The following ACSM3 variants were observed in gnomAD, a reference collection of about 807,000 sequenced individuals.
ACSM3 encodes acyl-CoA synthetase medium chain family member 3, also known as acyl-coenzyme A synthetase ACSM3, mitochondrial.
ACSM3 carries 61 observed loss-of-function variants against 74.1 expected under a neutral mutation model. The observed-to-expected ratio is 0.82, with a 90% confidence interval of 0.67 to 1.02. The LOEUF (loss-of-function observed/expected upper bound fraction) is 1.02. Among genes scored for constraint, ACSM3 ranks in the 50% least tolerant of loss-of-function variants. The pLI is 0.00. For missense variants in ACSM3, 660 were observed against 697.0 expected, an observed-to-expected ratio of 0.95 and a Z score of 0.60; for synonymous variants, 213 against 241.5, an observed-to-expected ratio of 0.88 and a Z score of 1.09.
intron 2 of ACSM3, among the ~76,000 whole-genome samples, chr16:20,754,267 G>C (rs755350440): frequency 1.4e-4 from 22 of 152,156 alleles, no homozygotes; most frequent in Non-Finnish European, 2.4e-4. Flanking sequence ...AAATGTAGTG[G>C]GGTTGTCAGA....
At chr16:20,745,551 C>A (rs998228074) in intron 1 of ACSM3, among the ~76,000 whole-genome samples, 1 of 151,676 alleles carries the variant, frequency 6.6e-6, no homozygotes, top group African/African-American at 2.4e-5. Context: ...CACTGCACTC[C>A]AGCCTGGGCA....
Position 20,700,112 on chromosome 16 carries a change from A to G in ACSM3, c.-190+25290A>G, listed in dbSNP as rs140366294. Among the ~76,000 whole-genome samples, 374 of 152,326 alleles carry G rather than the reference A, an allele frequency of 2.5e-3. 2 individuals are homozygous for G. The highest frequency in any genetic ancestry group is 4.4e-3 in the Non-Finnish European group (297 of 68,040). On this transcript the variant is annotated intron_variant, in intron 1 of 3. Transcript: ENST00000561584. ...GACATCGTAAAATGGCAAAGTCTCT[A>G]TCAGCCTTGTTCTCTGAGTGACTTC... is the stretch of plus-strand genomic sequence containing the variant.
chr16:20,704,730 A>T (rs1374649819), intron 1 of ACSM3, among the ~76,000 whole-genome samples: 1 of 152,242 alleles, frequency 6.6e-6, no homozygotes, highest in Non-Finnish European at 1.5e-5. Flanking sequence ...AGTATAGCCA[A>T]GTTATAAAAC....
rs188845703 is a variant in ACSM3, at chr16:20,700,583, T to C, written c.-190+25761T>C. Among the ~76,000 whole-genome samples the C allele has an allele frequency of 2.0e-5, 3 of 150,888 alleles. No individual in the cohort carries two copies. The Admixed American group carries it at 2.0e-4, about 10-fold the overall frequency. On this transcript the variant is annotated intron_variant, in intron 1 of 3. Transcript: ENST00000561584. ...GTGGGGGACTGGGATGGCAGATTACTGAGTGAGAAGTATGATAAAGTGTGA... is the reference window on the plus strand; with the variant it reads ...GTGGGGGACTGGGATGGCAGATTACCGAGTGAGAAGTATGATAAAGTGTGA...
chr16:20,777,631 A>G (rs773969718), intron 4 of ACSM3, 51 bp downstream of exon 4: 1 of 1,483,518 alleles, frequency 6.7e-7, no homozygotes, highest in South Asian at 1.2e-5. Context: ...AAAGGCAACA[A>G]TAAAAAGATA....
intron 1 of ACSM3, 64 bp from the exon 2 acceptor site, chr16:20,769,920 C>A: frequency 1.0e-6 from 1 of 960,346 alleles, no homozygotes; most frequent in Non-Finnish European, 1.6e-6. Flanking sequence ...AAAACTTAGC[C>A]ACTTTGGGGT....
chr16:20,737,625 T>C (rs563621373), intron 1 of ACSM3: 2 of 1,422,050 alleles, frequency 1.4e-6, no homozygotes, highest in African/African-American at 2.9e-5. Flanking sequence ...AATGTAAGCC[T>C]TAAATCTTTA....
chr16:20,743,373 G>C (rs1274233986), intron 1 of ACSM3, among the ~76,000 whole-genome samples: 1 of 152,130 alleles, frequency 6.6e-6, no homozygotes, highest in East Asian at 1.9e-4. Context: ...ATGTTGGCTG[G>C]TGTTGTTTCA....
At chr16:20,741,708 G>C in intron 1 of ACSM3, 1 of 1,577,994 alleles carries the variant, frequency 6.3e-7, no homozygotes, top group Non-Finnish European at 8.6e-7. Flanking sequence ...CCCGCCGCCA[G>C]GCTGAGTAGT....
chr16:20,681,263 T>C (rs1360721527), intron 1 of ACSM3: 1 of 152,242 alleles, frequency 6.6e-6, no homozygotes, highest in Non-Finnish European at 1.5e-5. Flanking sequence ...TTGAAATAGA[T>C]TGGCATTAGA....
At chr16:20,726,461 G>C (rs1776964577) in intron 1 of ACSM3, among the ~76,000 whole-genome samples, 1 of 152,226 alleles carries the variant, frequency 6.6e-6, no homozygotes, top group Non-Finnish European at 1.5e-5. Flanking sequence ...TCCCTAGTCA[G>C]TGTCAACGCC....
upstream of ACSM3, among the ~76,000 whole-genome samples, chr16:20,759,768 C>T (rs1312554292): frequency 6.6e-6 from 1 of 152,076 alleles, no homozygotes; most frequent in African/African-American, 2.4e-5. Context: ...AAGTGTTGCC[C>T]TTTGTTCTAT....
At chr16:20,718,839 A>G (rs1360614951) in intron 1 of ACSM3, among the ~76,000 whole-genome samples, 1 of 152,168 alleles carries the variant, frequency 6.6e-6, no homozygotes, top group Non-Finnish European at 1.5e-5. Flanking sequence ...TAGCATTTAC[A>G]CTATTTAAAA....
intron 8 of ACSM3, 106 bp downstream of exon 8, chr16:20,785,213 G>A (rs2080446616): frequency 6.8e-7 from 1 of 1,462,416 alleles, no homozygotes; most frequent in East Asian, 2.4e-5. Context: ...TAGGAGTTGA[G>A]TGGTTAGAAA....
chr16:20,739,168 C>A, intron 1 of ACSM3: 1 of 1,209,928 alleles, frequency 8.3e-7, no homozygotes, highest in Non-Finnish European at 1.1e-6. Flanking sequence ...GCAGGTGGCT[C>A]AGTATTGATT....
intron 1 of ACSM3, chr16:20,720,990 T>G (rs1030072909): frequency 5.3e-5 from 8 of 152,244 alleles, no homozygotes; most frequent in African/African-American, 1.9e-4. Flanking sequence ...TAAGTTGTCC[T>G]ATTTAGTGCG....
chr16:20,680,145 C>T (rs1297750498), intron 1 of ACSM3: 2 of 152,158 alleles, frequency 1.3e-5, no homozygotes, highest in African/African-American at 2.4e-5. Flanking sequence ...AGTATGTTAA[C>T]CAAACCAAAC....
intron 1 of ACSM3, chr16:20,741,601 G>A (rs775564768): frequency 3.2e-6 from 5 of 1,575,020 alleles, no homozygotes; most frequent in African/African-American, 1.4e-5. Flanking sequence ...CAGGTGATGA[G>A]GATGCCCTGT....
At chr16:20,795,231 G>A (rs532248857) in intron 12 of ACSM3, among the ~76,000 whole-genome samples, 1 of 152,250 alleles carries the variant, frequency 6.6e-6, no homozygotes, top group African/African-American at 2.4e-5. Context: ...ATGTTGCCCA[G>A]TCTGCTCTCG....
Sources: allele counts gnomAD v4.1 joint callset (sites outside exome capture counted in the v4.1 genomes callset), GRCh38; gene constraint gnomAD v4.1.1; transcripts MANE v1.5; gene names NCBI Gene and HGNC (gene_info 2026-07-23, HGNC 2026-07-21).